The following PYM1 variants were observed in gnomAD, a reference collection of about 807,000 sequenced individuals.
PYM1 encodes the protein partner of Y14 and mago.
PYM1 carries 7 observed loss-of-function variants against 20.7 expected under a neutral mutation model. The ratio of observed to expected loss-of-function variants is 0.34; its 90% confidence interval spans 0.19 to 0.64. PYM1 has a LOEUF of 0.64. Ranked by LOEUF, PYM1 falls within the 30% of genes least tolerant of loss-of-function variation. The probability of loss-of-function intolerance (pLI) is 0.74; values close to 1 mark genes in which losing one functional copy is unlikely to be tolerated. For missense variants in PYM1, 194 were observed against 250.0 expected, an observed-to-expected ratio of 0.78 and a Z score of 1.51; for synonymous variants, 100 against 99.2, an observed-to-expected ratio of 1.01 and a Z score of -0.05.
intron 1 of PYM1, among the ~76,000 whole-genome samples, chr12:55,905,485 T>C (rs991440791): frequency 1.3e-5 from 2 of 150,724 alleles, no homozygotes; most frequent in African/African-American, 4.9e-5. Context: ...GCGGATCATC[T>C]GAGGTCAGGA....
intron 1 of PYM1, among the ~76,000 whole-genome samples, chr12:55,905,851 T>TAG (rs1882791434): frequency 2.1e-5 from 2 of 96,878 alleles, no homozygotes; most frequent in African/African-American, 3.7e-5. Flanking sequence ...ATATATATAT[T>TAG]ATATATTAGA....
At chr12:55,922,920 C>T (rs781148228) in intron 1 of PYM1, among the ~76,000 whole-genome samples, 4 of 151,768 alleles carry the variant, frequency 2.6e-5, no homozygotes, top group Non-Finnish European at 5.9e-5. Flanking sequence ...GATCCTGGAA[C>T]AACAAAAAAA....
At chr12:55,917,493 T>C (rs1883028083) in intron 1 of PYM1, among the ~76,000 whole-genome samples, 1 of 152,136 alleles carries the variant, frequency 6.6e-6, no homozygotes, top group Non-Finnish European at 1.5e-5. Flanking sequence ...TAATGTCCTT[T>C]GTAGCAACAT....
chr12:55,923,013 G>A (rs538154177), intron 1 of PYM1, among the ~76,000 whole-genome samples: 139 of 151,932 alleles, frequency 9.1e-4, no homozygotes, highest in Non-Finnish European at 2.9e-5. Context: ...ATCACCCGAG[G>A]TCAGGAGTTT....
At chr12:55,926,126 T>C (rs1883182771) in intron 1 of PYM1, among the ~76,000 whole-genome samples, 1 of 152,236 alleles carries the variant, frequency 6.6e-6, no homozygotes, top group Admixed American at 6.5e-5. Flanking sequence ...ACTACACATA[T>C]GAGGGCTACA....
chr12:55,904,595 CAAAAAAAAAAAAA>C lies in PYM1; in HGVS notation c.38-1128_38-1116del, dbSNP rs57817659. Among the ~76,000 whole-genome samples the C allele has an allele frequency of 9.0e-5, 6 of 66,978 alleles. No individual in the cohort carries two copies. In the Admixed American group the frequency reaches 9.0e-4, roughly 10 times the overall value. The allele number at this position is 66,978 out of a possible 152,430, so 43.9% of individuals were successfully genotyped here. Reference sequence around the variant, plus strand: ...TGGGCAACGGAGTGAGACTCCATCTCAAAAAAAAAAAAAAAAAAAAAAAAGAAAAAAAATTAGC... The same window carrying C: ...TGGGCAACGGAGTGAGACTCCATCTCAAAAAAAAAAAGAAAAAAAATTAGC... On this transcript the variant is annotated intron_variant, in intron 1 of 2. Coordinates refer to ENST00000408946, the MANE Select transcript of PYM1 (RefSeq NM_032345.3).
At chr12:55,917,394 T>C (rs1293054151) in intron 1 of PYM1, among the ~76,000 whole-genome samples, 1 of 151,996 alleles carries the variant, frequency 6.6e-6, no homozygotes, top group Non-Finnish European at 1.5e-5. Flanking sequence ...CACTCCAGCC[T>C]GGGCAACAAG....
Position 55,901,785 on chromosome 12 carries a change from C to T in PYM1, c.*87G>A. On this transcript the variant is annotated 3_prime_UTR_variant, in exon 3 of 3. Transcript: ENST00000408946. ...GAAGTAAGCCAGTATGGGGGGTACCCCTCCTGACTGCTGTTGCCCGTATTC... is the reference window on the plus strand; with the variant it reads ...GAAGTAAGCCAGTATGGGGGGTACCTCTCCTGACTGCTGTTGCCCGTATTC... The T allele has an allele frequency of 6.6e-7, 1 of 1,511,684 alleles. No individual in the cohort carries two copies. The highest frequency in any genetic ancestry group is 2.2e-5 in the Admixed American group (1 of 45,002). 93.6% of individuals were successfully genotyped at this position (1,511,684 alleles called of 1,614,324 possible). A position where few individuals can be genotyped will look rare whatever the true frequency, so the allele number is the denominator to read the frequency against.
At chr12:55,915,236 A>AAAC (rs1333093072) in intron 1 of PYM1, among the ~76,000 whole-genome samples, 2 of 148,404 alleles carry the variant, frequency 1.3e-5, no homozygotes, top group Non-Finnish European at 3.0e-5. Flanking sequence ...AAAAAAAAAA[A>AAAC]GTAAAGGTAG....
At chr12:55,922,554 T>C (rs1883116195) in intron 1 of PYM1, among the ~76,000 whole-genome samples, 1 of 151,388 alleles carries the variant, frequency 6.6e-6, no homozygotes, top group Admixed American at 6.6e-5. Context: ...GAGGTCAAGA[T>C]TTCAGTGAGC....
chr12:55,919,715 C>T (rs1483965894), intron 1 of PYM1, among the ~76,000 whole-genome samples: 1 of 151,536 alleles, frequency 6.6e-6, no homozygotes, highest in Non-Finnish European at 1.5e-5. Context: ...CTGGCCAACA[C>T]GGTGAAACCC....
At chr12:55,923,264 A>G (rs897407690) in intron 1 of PYM1, among the ~76,000 whole-genome samples, 1 of 151,864 alleles carries the variant, frequency 6.6e-6, no homozygotes, top group African/African-American at 2.4e-5. Flanking sequence ...AAAATAAATT[A>G]AGTAAAAACT....
In PYM1 at chr12:55,905,168, AT is replaced by A. The variant is rs779385773; in HGVS notation, c.38-1689del. On this transcript the variant is annotated intron_variant, in intron 1 of 2. Coordinates refer to ENST00000408946, the MANE Select transcript of PYM1 (RefSeq NM_032345.3). ...AGGCGCCTGCCACCACACCTGGCTA[AT>A]TTTTTTTTTTTTTGTATTTTTAATA... is the stretch of plus-strand genomic sequence containing the variant. Among the ~76,000 whole-genome samples, 634 of 136,140 alleles carry A rather than the reference AT, an allele frequency of 4.7e-3. 1 individual carries two copies. The highest frequency in any genetic ancestry group is 9.0e-3 in the African/African-American group (337 of 37,420). 89.3% of individuals were successfully genotyped at this position (136,140 alleles called of 152,430 possible). A position where few individuals can be genotyped will look rare whatever the true frequency, so the allele number is the denominator to read the frequency against.
At position 55,927,664 on chromosome 12, in the gene PYM1, C is replaced by T. The variant is rs895424956; in HGVS notation, c.37+61G>A. ...GTGCCGATTGCTGTCGGCCAACCCACTCAACCACCAGAGACCCGCGGGAGG... is the reference window on the plus strand; with the variant it reads ...GTGCCGATTGCTGTCGGCCAACCCATTCAACCACCAGAGACCCGCGGGAGG... On this transcript the variant is annotated intron_variant, in intron 1 of 2. Coordinates refer to ENST00000408946, the MANE Select transcript of PYM1 (RefSeq NM_032345.3). The T allele has an allele frequency of 7.8e-6, 12 of 1,532,034 alleles. No individual in the cohort carries two copies. In the Admixed American group the frequency reaches 2.2e-4, roughly 28 times the overall value. The allele number at this position is 1,532,034 out of a possible 1,614,324, so 94.9% of individuals were successfully genotyped here.
chr12:55,905,246 T>A (rs1882774772), intron 1 of PYM1, among the ~76,000 whole-genome samples: 1 of 150,518 alleles, frequency 6.6e-6, no homozygotes, highest in Non-Finnish European at 1.5e-5. Context: ...CCTGACCTCA[T>A]TATCCGCCTG....
intron 1 of PYM1, among the ~76,000 whole-genome samples, chr12:55,919,602 A>C (rs1026902524): frequency 1.3e-5 from 2 of 152,206 alleles, no homozygotes; most frequent in Non-Finnish European, 2.9e-5. Flanking sequence ...TGTGCTTAGA[A>C]AAACTAGGCT....
At chr12:55,927,384 C>T (rs1266260385) in intron 1 of PYM1, 1 of 715,550 alleles carries the variant, frequency 1.4e-6, no homozygotes, top group Non-Finnish European at 2.5e-6. Flanking sequence ...GAGGCACAGT[C>T]CCTCTCATCC....
chr12:55,918,322 A>C (rs1883043348), intron 1 of PYM1, among the ~76,000 whole-genome samples: 1 of 151,968 alleles, frequency 6.6e-6, no homozygotes, highest in South Asian at 2.1e-4. Flanking sequence ...GGATGGTCTC[A>C]ATCTCCTGAC....
chr12:55,927,804 C>G lies in PYM1; in HGVS notation c.-43G>C. ...ACCAGGTTGGGCGGGCGGCCCTGGC[C>G]TGGCTCTGCCCCGCTGGGCGGCGCC... is the stretch of plus-strand genomic sequence containing the variant. On this transcript the variant is annotated 5_prime_UTR_variant, in exon 1 of 3. Transcript: ENST00000408946. The G allele has an allele frequency of 6.5e-7, 1 of 1,533,056 alleles. No individual in the cohort carries two copies. The highest frequency in any genetic ancestry group is 8.7e-7 in the Non-Finnish European group (1 of 1,143,954). The allele number at this position is 1,533,056 out of a possible 1,614,324, so 95.0% of individuals were successfully genotyped here. A position where few individuals can be genotyped will look rare whatever the true frequency, so the allele number is the denominator to read the frequency against.
Sources: gnomAD v4.1 joint callset for allele counts (sites outside exome capture counted in the v4.1 genomes callset) on GRCh38, gnomAD v4.1.1 for gene constraint, MANE v1.5 for transcripts, NCBI Gene and HGNC (gene_info 2026-07-23, HGNC 2026-07-21) for gene names.